The following MANBA variants were observed in gnomAD, a reference collection of about 807,000 sequenced individuals.
The protein encoded by MANBA is mannosidase beta.
Under a neutral mutation model 111.1 loss-of-function variants are expected in MANBA, and 83 were observed. That is an observed-to-expected ratio of 0.75 (90% CI 0.63 to 0.90). The LOEUF (loss-of-function observed/expected upper bound fraction) is 0.90. Ranked by LOEUF, MANBA falls within the 40% of genes least tolerant of loss-of-function variation. MANBA has a pLI of 0.00. For missense variants in MANBA, 1,036 were observed against 1,069.0 expected, an observed-to-expected ratio of 0.97 and a Z score of 0.43; for synonymous variants, 370 against 378.7, an observed-to-expected ratio of 0.98 and a Z score of 0.27.
intron 1 of MANBA, among the ~76,000 whole-genome samples, chr4:102,740,572 A>T (rs1723366403): frequency 6.6e-6 from 1 of 152,224 alleles, no homozygotes; most frequent in Non-Finnish European, 1.5e-5. Context: ...TCACAAAAAC[A>T]GCATGCTACA....
At chr4:102,655,513 T>C (rs1450088182) in intron 12 of MANBA, among the ~76,000 whole-genome samples, 2 of 152,150 alleles carry the variant, frequency 1.3e-5, no homozygotes, top group Admixed American at 6.5e-5. Context: ...ACTTTTATGG[T>C]CAATTGATTT....
chr4:102,711,221 G>A (rs1722051002), intron 5 of MANBA, among the ~76,000 whole-genome samples: 1 of 152,120 alleles, frequency 6.6e-6, no homozygotes, highest in Admixed American at 6.6e-5. Context: ...CTATTCATTT[G>A]ACAAGGTACT....
rs866351231 is a variant in MANBA, at chr4:102,634,809, C to A, written c.2394G>T (p.Gly798=). 1 of 1,613,924 alleles carries A rather than the reference C, an allele frequency of 6.2e-7. No individual in the cohort carries two copies. Among genetic ancestry groups the A allele is most frequent in the Middle Eastern group, 1.7e-4 (1 of 5,802 alleles). ...HFLSSPKEAV[G]LCKAQITAII... ...TTACAGTGATCTGCGCCTTGCAGAG[C>A]CCCACGGCCTCCTTCGGTGAGGACA... Residue 798 remains glycine (G), a synonymous_variant, in exon 16 of 17, where the codon GGG becomes GGT. Coordinates refer to ENST00000647097, the MANE Select transcript of MANBA (RefSeq NM_005908.4).
chr4:102,713,926 G>T (rs940259023), intron 5 of MANBA, among the ~76,000 whole-genome samples: 4 of 146,642 alleles, frequency 2.7e-5, no homozygotes, highest in African/African-American at 7.5e-5. Flanking sequence ...GAAAAGAAAA[G>T]AAATCTTTCT....
chr4:102,664,686 G>T lies in MANBA; in HGVS notation c.1484C>A (p.Ala495Glu). The change falls in exon 11 of 17, where the codon GCA becomes GAA. Residue 495 changes from alanine to glutamate, a missense_variant and splice_region_variant. Coordinates refer to ENST00000647097, the MANE Select transcript of MANBA (RefSeq NM_005908.4). Reference protein sequence around the residue: ...YVKNIRELVLAGDKSRPFITS... With the variant: ...YVKNIRELVLEGDKSRPFITS... ...ACTGCATTAAAAATCATTACTTACT[G>T]CCAGTACGAGCTCTCTGATGTTTTT... 2 of 1,610,240 alleles carry T rather than the reference G, an allele frequency of 1.2e-6. No homozygotes were observed. Among genetic ancestry groups the T allele is most frequent in the Non-Finnish European group, 1.7e-6 (2 of 1,176,418 alleles).
At chr4:102,746,505 C>G (rs1723591072) in intron 1 of MANBA, among the ~76,000 whole-genome samples, 1 of 152,202 alleles carries the variant, frequency 6.6e-6, no homozygotes, top group African/African-American at 2.4e-5. Flanking sequence ...GAGCAACCAA[C>G]CAGCTTTATT....
At chr4:102,748,280 A>G (rs1723658860) in intron 1 of MANBA, among the ~76,000 whole-genome samples, 1 of 152,220 alleles carries the variant, frequency 6.6e-6, no homozygotes. Context: ...GATCAGTACA[A>G]GGAGTGCATG....
chr4:102,700,823 A>G (rs182181566), intron 5 of MANBA, among the ~76,000 whole-genome samples: 10 of 152,188 alleles, frequency 6.6e-5, no homozygotes, highest in African/African-American at 2.4e-4. Flanking sequence ...TGCTGAAAAA[A>G]ATGTATATTC....
At chr4:102,753,880 C>T (rs1055040766) in intron 1 of MANBA, 10 of 419,532 alleles carry the variant, frequency 2.4e-5, no homozygotes, top group Admixed American at 8.2e-5. Flanking sequence ...CTCAGGAGAT[C>T]GAGACCAGCT....
chr4:102,698,201 T>A (rs1018759808), intron 5 of MANBA, among the ~76,000 whole-genome samples: 9 of 152,108 alleles, frequency 5.9e-5, no homozygotes, highest in Admixed American at 1.3e-4. Context: ...TTTGATGGGG[T>A]TGTTTGTCTT....
chr4:102,730,454 G>T, intron 1 of MANBA: 1 of 507,854 alleles, frequency 2.0e-6, no homozygotes, highest in Non-Finnish European at 3.8e-6. Flanking sequence ...TCGGGGTAAG[G>T]GTCAGCTGCA....
chr4:102,748,092 A>C (rs150117683), intron 1 of MANBA, among the ~76,000 whole-genome samples: 586 of 152,356 alleles, frequency 3.8e-3, no homozygotes, highest in Non-Finnish European at 6.0e-3. Flanking sequence ...AGATGAAGCC[A>C]GGAGGTGACT....
intron 12 of MANBA, among the ~76,000 whole-genome samples, chr4:102,653,239 C>T (rs1730418047): frequency 2.2e-5 from 1 of 45,154 alleles, no homozygotes; most frequent in Non-Finnish European, 6.0e-5. Context: ...CACACACACA[C>T]ACACACACAC....
chr4:102,744,384 G>A (rs1036443746), intron 1 of MANBA, among the ~76,000 whole-genome samples: 1 of 152,200 alleles, frequency 6.6e-6, no homozygotes, highest in African/African-American at 2.4e-5. Context: ...TGTCATCAAT[G>A]TAATGGACCA....
At chr4:102,697,708 T>A (rs1209781326) in intron 5 of MANBA, among the ~76,000 whole-genome samples, 1 of 150,384 alleles carries the variant, frequency 6.6e-6, no homozygotes, top group African/African-American at 2.4e-5. Context: ...TATGGCTGCA[T>A]AGTATTCCAT....
At chr4:102,693,201 G>A (rs17033181) in intron 5 of MANBA, among the ~76,000 whole-genome samples, 4,244 of 152,240 alleles carry the variant, frequency 0.028, 138 homozygotes, top group African/African-American at 0.078. Flanking sequence ...CACCTAGTCT[G>A]CTCGCTCACC....
chr4:102,644,350 G>T (rs1255280992), intron 13 of MANBA, among the ~76,000 whole-genome samples: 1 of 152,036 alleles, frequency 6.6e-6, no homozygotes, highest in East Asian at 1.9e-4. Context: ...GTTCATTACA[G>T]CATTATTTAC....
At chr4:102,685,603 C>T (rs1404538487) in intron 7 of MANBA, among the ~76,000 whole-genome samples, 1 of 152,134 alleles carries the variant, frequency 6.6e-6, no homozygotes, top group African/African-American at 2.4e-5. Context: ...TACCTCCCTG[C>T]TTTCTAACTC....
At chr4:102,655,040 C>A (rs780755551) in intron 12 of MANBA, among the ~76,000 whole-genome samples, 1 of 151,954 alleles carries the variant, frequency 6.6e-6, no homozygotes. Context: ...TATTTTTATA[C>A]GTTAGCAATG....
Sources: allele counts gnomAD v4.1 joint callset (sites outside exome capture counted in the v4.1 genomes callset), GRCh38; gene constraint gnomAD v4.1.1; transcripts MANE v1.5; gene names NCBI Gene and HGNC (gene_info 2026-07-23, HGNC 2026-07-21).